The following DDX10 variants were observed in gnomAD, a reference collection of about 807,000 sequenced individuals.
DDX10 encodes the protein probable ATP-dependent RNA helicase DDX10.
In DDX10, 74 loss-of-function variants were observed where a neutral mutation model predicts 104.3. The observed-to-expected ratio is 0.71, with a 90% CI of 0.59 to 0.86. The LOEUF (loss-of-function observed/expected upper bound fraction) is 0.86. DDX10 is among the 40% of genes least tolerant of loss of function. The pLI is 0.00. For synonymous variants in DDX10, 351 were observed against 353.4 expected (o/e 0.99, Z 0.08); for missense variants, 952 against 1,040.0 (o/e 0.92, Z 1.16).
intron 13 of DDX10, among the ~76,000 whole-genome samples, chr11:108,776,567 AT>A (rs1268273926): frequency 6.6e-6 from 1 of 152,158 alleles, no homozygotes; most frequent in African/African-American, 2.4e-5. Context: ...CCATATCCTA[AT>A]CTTTGGCACC....
At chr11:108,861,505 T>G (rs1354846512) in intron 16 of DDX10, among the ~76,000 whole-genome samples, 37 of 152,174 alleles carry the variant, frequency 2.4e-4, no homozygotes, top group Admixed American at 2.4e-3. Flanking sequence ...AATGGGCAAA[T>G]TTTGAAAACA....
chr11:108,908,522 A>T (rs573577726), intron 16 of DDX10, among the ~76,000 whole-genome samples: 1 of 152,344 alleles, frequency 6.6e-6, no homozygotes, highest in South Asian at 2.1e-4. Flanking sequence ...TGTTTTTATG[A>T]ATGCTGTATG....
intron 13 of DDX10, among the ~76,000 whole-genome samples, chr11:108,765,614 A>G (rs2094355532): frequency 6.6e-6 from 1 of 152,210 alleles, no homozygotes; most frequent in African/African-American, 2.4e-5. Context: ...GTTAGCCTGT[A>G]TTTAATATGT....
chr11:108,701,086 G>A (rs1184293433), intron 9 of DDX10, among the ~76,000 whole-genome samples: 1 of 151,814 alleles, frequency 6.6e-6, no homozygotes, highest in Non-Finnish European at 1.5e-5. Flanking sequence ...AGATCTTAAG[G>A]TGCAGATGAC....
At chr11:108,687,012 C>T (rs1238822296) in intron 6 of DDX10, among the ~76,000 whole-genome samples, 1 of 152,146 alleles carries the variant, frequency 6.6e-6, no homozygotes, top group Non-Finnish European at 1.5e-5. Context: ...GTCTCGATCT[C>T]CTGACCTCGT....
intron 11 of DDX10, among the ~76,000 whole-genome samples, chr11:108,719,002 A>G (rs1565257389): frequency 6.6e-6 from 1 of 152,186 alleles, no homozygotes; most frequent in Non-Finnish European, 1.5e-5. Flanking sequence ...AGTCAACTTA[A>G]AAAATTACCT....
At chr11:108,876,092 C>G (rs759168931) in intron 16 of DDX10, among the ~76,000 whole-genome samples, 2 of 151,908 alleles carry the variant, frequency 1.3e-5, no homozygotes, top group Non-Finnish European at 2.9e-5. Context: ...AATATTAGGT[C>G]GAATCTTTAA....
At chr11:108,696,983 C>T (rs535024511) in intron 9 of DDX10, among the ~76,000 whole-genome samples, 2 of 152,092 alleles carry the variant, frequency 1.3e-5, no homozygotes, top group East Asian at 3.9e-4. Flanking sequence ...GTTGAACATG[C>T]CGTGGTGAAC....
rs61200843 is a variant in DDX10, at chr11:108,800,442, CAAA to C, written c.1966-37986_1966-37984del. ...CCTGGGCGACAGAGCGAGACTCTTT[CAAA>C]AAAAAAAAAAAAAAAAAGAACATCT... On this transcript the variant is annotated intron_variant, in intron 13 of 17. Transcript: ENST00000322536. Among the ~76,000 whole-genome samples, 33 of 94,412 alleles carry C rather than the reference CAAA, an allele frequency of 3.5e-4. 1 individual carries two copies. Among genetic ancestry groups the C allele is most frequent in the Admixed American group, 8.4e-4 (6 of 7,134 alleles). The allele number at this position is 94,412 out of a possible 152,430, so 61.9% of individuals were successfully genotyped here. A position where few individuals can be genotyped will look rare whatever the true frequency, so the allele number is the denominator to read the frequency against.
At chr11:108,698,126 A>G (rs969374647) in intron 9 of DDX10, among the ~76,000 whole-genome samples, 14 of 152,194 alleles carry the variant, frequency 9.2e-5, no homozygotes, top group African/African-American at 3.4e-4. Flanking sequence ...AGAAAAGAGG[A>G]AGATGGCCAC....
chr11:108,738,267 A>G (rs2094320751), intron 13 of DDX10, among the ~76,000 whole-genome samples: 2 of 150,042 alleles, frequency 1.3e-5, no homozygotes, highest in African/African-American at 4.9e-5. Context: ...TTTTTTTTAA[A>G]GGAATCTATG....
intron 17 of DDX10, among the ~76,000 whole-genome samples, chr11:108,936,950 A>G (rs1420824375): frequency 6.6e-6 from 1 of 152,216 alleles, no homozygotes; most frequent in African/African-American, 2.4e-5. Context: ...TAAGATGCAT[A>G]CAGTTGGAAA....
At chr11:108,752,308 A>G (rs2094339688) in intron 13 of DDX10, among the ~76,000 whole-genome samples, 1 of 152,038 alleles carries the variant, frequency 6.6e-6, no homozygotes, top group Non-Finnish European at 1.5e-5. Flanking sequence ...AAGTTAGAGA[A>G]AACAAATGGT....
intron 13 of DDX10, among the ~76,000 whole-genome samples, chr11:108,742,570 GAACAAC>G (rs964625783): frequency 3.9e-5 from 6 of 151,968 alleles, no homozygotes; most frequent in African/African-American, 1.4e-4. Flanking sequence ...ATTTCAAAAA[GAACAAC>G]AACAACAACA....
intron 9 of DDX10, among the ~76,000 whole-genome samples, chr11:108,704,198 C>G (rs7130714): frequency 0.011 from 1,621 of 152,236 alleles, 28 homozygotes; most frequent in African/African-American, 0.037. Context: ...CATGAGAGAA[C>G]ATTGAGTGAA....
chr11:108,665,254 A>G lies in DDX10; in HGVS notation c.101A>G (p.Lys34Arg), dbSNP rs1565238952. ...AAACACAGCCATAGGCAGAACAAAA[A>G]GAAGCAGTTGAGGAAGCAACTGAAG... ...KKKHSHRQNK[K>R]KQLRKQLKKP... The change falls in exon 1 of 18, where the codon AAG becomes AGG. Residue 34 changes from lysine to arginine, a missense_variant. Coordinates refer to ENST00000322536, the MANE Select transcript of DDX10 (RefSeq NM_004398.4). 1.2e-6 allele frequency: 2 copies of G among 1,612,230 alleles called. No individual in the cohort carries two copies. Among genetic ancestry groups the G allele is most frequent in the Non-Finnish European group, 1.7e-6 (2 of 1,179,158 alleles).
At chr11:108,793,167 A>G (rs935455102) in intron 13 of DDX10, among the ~76,000 whole-genome samples, 2 of 152,166 alleles carry the variant, frequency 1.3e-5, no homozygotes, top group African/African-American at 4.8e-5. Flanking sequence ...GTTGGCCATG[A>G]GGCACCCTTT....
At chr11:108,831,095 T>C (rs910838324) in intron 13 of DDX10, among the ~76,000 whole-genome samples, 2 of 152,092 alleles carry the variant, frequency 1.3e-5, no homozygotes, top group East Asian at 3.9e-4. Flanking sequence ...GGAAACAGTG[T>C]TTATCAATCT....
intron 16 of DDX10, among the ~76,000 whole-genome samples, chr11:108,882,330 A>G (rs1863238105): frequency 6.6e-6 from 1 of 152,122 alleles, no homozygotes; most frequent in South Asian, 2.1e-4. Context: ...TGAAAAGATA[A>G]CTCTCGACGC....
Sources: gnomAD v4.1 joint callset for allele counts (sites outside exome capture counted in the v4.1 genomes callset) on GRCh38, gnomAD v4.1.1 for gene constraint, MANE v1.5 for transcripts, NCBI Gene and HGNC (gene_info 2026-07-23, HGNC 2026-07-21) for gene names.